Variants in EMC10 observed in about 807,000 individuals in gnomAD.
EMC10 encodes the protein ER membrane protein complex subunit 10.
Under a neutral mutation model 32.2 loss-of-function variants are expected in EMC10, and 40 were observed. The ratio of observed to expected loss-of-function variants is 1.24; its 90% CI spans 0.96 to 1.61. The LOEUF (loss-of-function observed/expected upper bound fraction) is 1.61, where lower values mean the gene tolerates loss of function less well. Ranked by LOEUF, EMC10 falls within the 40% of genes most tolerant of loss-of-function variation. The probability of loss-of-function intolerance (pLI) is 0.00; values close to 1 mark genes in which losing one functional copy is unlikely to be tolerated. For missense variants in EMC10, 402 were observed against 357.7 expected (o/e 1.12, Z -1.00); for synonymous variants, 178 against 158.4 (o/e 1.12, Z -0.93).
At chr19:50,482,035 A>C in intron 6 of EMC10, 114 bp from the exon 7 acceptor site, 4 of 1,513,966 alleles carry the variant, frequency 2.6e-6, no homozygotes, top group Non-Finnish European at 3.7e-6. Context: ...CCCTCCCCTT[A>C]CGCGACCTCC....
At chr19:50,477,111 A>T (rs1415777764) in intron 1 of EMC10, 1 of 153,014 alleles carries the variant, frequency 6.5e-6, no homozygotes, top group Non-Finnish European at 1.4e-5. Context: ...TAAAAAAAAA[A>T]AAAAAATTAG....
At chr19:50,477,889 T>G in intron 1 of EMC10, 40 bp from the exon 2 acceptor site, 1 of 1,561,296 alleles carries the variant, frequency 6.4e-7, no homozygotes, top group South Asian at 1.2e-5. Flanking sequence ...TGCTGAGGGC[T>G]TGGGTGGTCC....
At chr19:50,482,105 C>G (rs2040329879) in intron 6 of EMC10, 44 bp from the exon 7 acceptor site, 1 of 1,407,374 alleles carries the variant, frequency 7.1e-7, no homozygotes, top group African/African-American at 1.4e-5. Context: ...TCCCCTCTCT[C>G]TCTCTTTCTG....
chr19:50,476,829 T>A, intron 1 of EMC10, 171 bp downstream of exon 1: 1 of 522,122 alleles, frequency 1.9e-6, no homozygotes, highest in Non-Finnish European at 3.3e-6. Flanking sequence ...GCCTCGCCAG[T>A]GCACCGGGTT....
In EMC10 at chr19:50,480,209, C is replaced by T. The variant is rs1323462337; in HGVS notation, c.396C>T (p.Val132=). 5 of 1,613,528 alleles carry T rather than the reference C, an allele frequency of 3.1e-6. No homozygotes were observed. Among genetic ancestry groups the T allele is most frequent in the South Asian group, 1.1e-5 (1 of 90,844 alleles). The part of the protein sequence containing the change: ...LEAGGYVSSF[V]PACSLVESHL... ...CTGGTGGCTATGTCTCCTCCTTTGT[C>T]CCTGCGGTGAGTTGGTGTCGGGGAT... Residue 132 remains valine, a synonymous_variant, in exon 4 of 7, where the codon GTC becomes GTT. Transcript: ENST00000334976. This position sits in a 1 kb window ranked among gnomAD's most constrained non-coding sequence, Gnocchi z 4.4.
Position 50,480,992 on chromosome 19 carries a change from C to G in EMC10, c.678+15C>G. The G allele has an allele frequency of 6.3e-7, 1 of 1,586,728 alleles. No homozygotes were observed. The highest frequency in any genetic ancestry group is 8.6e-7 in the Non-Finnish European group (1 of 1,162,236). On this transcript the variant is annotated intron_variant, in intron 6 of 6. Coordinates refer to ENST00000334976, the MANE Select transcript of EMC10 (RefSeq NM_206538.4). The surrounding 1 kb of genome is among the most constrained non-coding windows in gnomAD (Gnocchi z 4.4). ...TCGCCAAATACGTGAGTGGGGCTCC[C>G]CCGCCTCCCCTATTCCCTTCCTGAC... is the stretch of plus-strand genomic sequence containing the variant.
intron 3 of EMC10, among the ~76,000 whole-genome samples, chr19:50,479,859 G>T (rs1162982851): frequency 6.6e-6 from 1 of 152,248 alleles, no homozygotes; most frequent in African/African-American, 2.4e-5. Flanking sequence ...TCCATCGCTG[G>T]GCTGGGCTTT....
At position 50,480,470 on chromosome 19, in the gene EMC10, T is replaced by C; in HGVS notation, c.403-111T>C. On this transcript the variant is annotated intron_variant, in intron 4 of 6. Transcript: ENST00000334976. The surrounding 1 kb of genome is among the most constrained non-coding windows in gnomAD (Gnocchi z 4.4). Reference sequence around the variant, plus strand: ...TGGGCCTGAGGGTAACAGGGAGCCATGGGAAGGTTTTGAAAAATGCTCCGG... The same window carrying C: ...TGGGCCTGAGGGTAACAGGGAGCCACGGGAAGGTTTTGAAAAATGCTCCGG... 4.6e-6 allele frequency: 6 copies of C among 1,294,388 alleles called. No homozygotes were observed. In the South Asian group the frequency reaches 5.7e-5, roughly 12 times the overall value. The allele number at this position is 1,294,388 out of a possible 1,614,324, so 80.2% of individuals were successfully genotyped here. A position where few individuals can be genotyped will look rare whatever the true frequency, so the allele number is the denominator to read the frequency against.
rs150275118 is a variant in EMC10, at chr19:50,485,818, CCTT to C, written c.*3562_*3564del. 13,173 of 152,710 alleles carry C rather than the reference CCTT, an allele frequency of 0.086. 718 individuals carry two copies. The highest frequency in any genetic ancestry group is 0.15 in the African/African-American group (6,320 of 41,372). 9.5% of individuals were successfully genotyped at this position (152,710 alleles called of 1,614,324 possible). The stretch of plus-strand genomic sequence containing the variant: ...CCCCCAGGATAGAGTCCCAACCCAT[CCTT>C]CTGTGTCTCCTCCTCTCTGTGTCCA... On this transcript the variant is annotated 3_prime_UTR_variant, in exon 7 of 7. Coordinates refer to ENST00000334976, the MANE Select transcript of EMC10 (RefSeq NM_206538.4).
intron 2 of EMC10, 92 bp downstream of exon 2, chr19:50,478,093 T>A: frequency 9.5e-7 from 1 of 1,055,776 alleles, no homozygotes; most frequent in Middle Eastern, 2.0e-4. Flanking sequence ...CGTATGACAT[T>A]TACTAACAAC....
At position 50,482,287 on chromosome 19, in the gene EMC10, T is replaced by C. The variant is rs1225401604; in HGVS notation, c.*28T>C. On this transcript the variant is annotated 3_prime_UTR_variant, in exon 7 of 7. Transcript: ENST00000334976. ...GCCCAGGCTGGTCAGCGTCCCGTCTTGCACACCCAGGGGCCTCCCTTTCTG... is the reference window on the plus strand; with the variant it reads ...GCCCAGGCTGGTCAGCGTCCCGTCTCGCACACCCAGGGGCCTCCCTTTCTG... 32 of 953,298 alleles carry C rather than the reference T, an allele frequency of 3.4e-5. 2 individuals carry two copies. In the South Asian group the frequency reaches 5.0e-4, roughly 15 times the overall value. 59.1% of individuals were successfully genotyped at this position (953,298 alleles called of 1,614,324 possible).
Position 50,480,339 on chromosome 19 carries a change from TGGCCTTGCCTTCCGA to T in EMC10, c.402+130_402+144del. ...CGCAGAGGCCTGGGAGACTCAGACC[TGGCCTTGCCTTCCGA>T]GGCCTCCTGGTCTGGAGGGGTCGGT... is the stretch of plus-strand genomic sequence containing the variant. On this transcript the variant is annotated intron_variant, in intron 4 of 6. Transcript: ENST00000334976. This position sits in a 1 kb window ranked among gnomAD's most constrained non-coding sequence, Gnocchi z 4.4. 9.2e-7 allele frequency: 1 copy of T among 1,087,328 alleles called. No individual in the cohort carries two copies. Among genetic ancestry groups the T allele is most frequent in the Non-Finnish European group, 1.3e-6 (1 of 751,434 alleles). 67.4% of individuals were successfully genotyped at this position (1,087,328 alleles called of 1,614,324 possible). A position where few individuals can be genotyped will look rare whatever the true frequency, so the allele number is the denominator to read the frequency against.
intron 6 of EMC10, 71 bp downstream of exon 6, chr19:50,481,048 TC>T: frequency 8.1e-7 from 1 of 1,238,958 alleles, no homozygotes; most frequent in Non-Finnish European, 1.2e-6. Flanking sequence ...CCCTCCATGC[TC>T]CCACCCAGAC....
Position 50,486,732 on chromosome 19 carries a change from C to T in EMC10, c.*4473C>T, listed in dbSNP as rs1210224719. The stretch of plus-strand genomic sequence containing the variant: ...TGTTTCCCATGTGCAGTCCCAGTTG[C>T]ATTTCCATGGGAGCCAATCCACCCA... On this transcript the variant is annotated 3_prime_UTR_variant, in exon 7 of 7. Coordinates refer to ENST00000334976, the MANE Select transcript of EMC10 (RefSeq NM_206538.4). 1 of 152,164 alleles carries T rather than the reference C, an allele frequency of 6.6e-6. No homozygotes were observed. Among genetic ancestry groups the T allele is most frequent in the East Asian group, 1.9e-4 (1 of 5,196 alleles). The allele number at this position is 152,164 out of a possible 1,614,324, so 9.4% of individuals were successfully genotyped here.
At position 50,488,295 on chromosome 19, in the gene EMC10, CAAAAAAAAAAA is replaced by C. The variant is rs56988126; in HGVS notation, c.*6049_*6059del. On this transcript the variant is annotated 3_prime_UTR_variant, in exon 7 of 7. Coordinates refer to ENST00000334976, the MANE Select transcript of EMC10 (RefSeq NM_206538.4). ...TGGGCGACAGAGCGAGACTCCGTCT[CAAAAAAAAAAA>C]AAAAAAAAAAAAGAAAAGATGGCCA... 4.0e-5 allele frequency: 2 copies of C among 49,884 alleles called. No homozygotes were observed. The highest frequency in any genetic ancestry group is 1.7e-3 in the South Asian group (1 of 588). 3.1% of individuals were successfully genotyped at this position (49,884 alleles called of 1,614,324 possible).
Position 50,484,979 on chromosome 19 carries a change from A to T in EMC10, c.*2720A>T, listed in dbSNP as rs1006762357. 7 of 152,162 alleles carry T rather than the reference A, an allele frequency of 4.6e-5. No homozygotes were observed. Among genetic ancestry groups the T allele is most frequent in the African/African-American group, 1.7e-4 (7 of 41,440 alleles). 9.4% of individuals were successfully genotyped at this position (152,162 alleles called of 1,614,324 possible). Reference sequence around the variant, plus strand: ...ACTCTCCACAGAAACAAGCAGATGCACATGTCAACAGTTTTGCAAGTGTTG... The same window carrying T: ...ACTCTCCACAGAAACAAGCAGATGCTCATGTCAACAGTTTTGCAAGTGTTG... On this transcript the variant is annotated 3_prime_UTR_variant, in exon 7 of 7. Coordinates refer to ENST00000334976, the MANE Select transcript of EMC10 (RefSeq NM_206538.4).
At chr19:50,477,782 T>C in intron 1 of EMC10, 147 bp from the exon 2 acceptor site, 1 of 568,690 alleles carries the variant, frequency 1.8e-6, no homozygotes, top group South Asian at 2.4e-5. Flanking sequence ...GGGTGGTTTC[T>C]AGTGAAATAA....
rs1213547080 is a variant in EMC10, at chr19:50,483,617, C to G, written c.*1358C>G. 1 of 153,550 alleles carries G rather than the reference C, an allele frequency of 6.5e-6. No individual in the cohort carries two copies. Among genetic ancestry groups the G allele is most frequent in the African/African-American group, 2.4e-5 (1 of 41,466 alleles). The allele number at this position is 153,550 out of a possible 1,614,324, so 9.5% of individuals were successfully genotyped here. ...TTGCTCTGTTACCCAAGCTGGAGTG[C>G]AGTGGCGGTACCTTGACTCACTGCG... is the stretch of plus-strand genomic sequence containing the variant. On this transcript the variant is annotated 3_prime_UTR_variant, in exon 7 of 7. Coordinates refer to ENST00000334976, the MANE Select transcript of EMC10 (RefSeq NM_206538.4).
chr19:50,480,921 G>A lies in EMC10; in HGVS notation c.622G>A (p.Glu208Lys). ...TAAFIERLEMEQAQKAKNPQE... is the reference protein window; with the variant it reads ...TAAFIERLEMKQAQKAKNPQE... ...GGCCTTCATTGAGCGCCTGGAGATGGAACAGGCCCAGAAGGCCAAGAACCC... is the reference window on the plus strand; with the variant it reads ...GGCCTTCATTGAGCGCCTGGAGATGAAACAGGCCCAGAAGGCCAAGAACCC... The change falls in exon 6 of 7, where the codon GAA becomes AAA. Residue 208 changes from glutamate (E) to lysine (K), a missense_variant. Coordinates refer to ENST00000334976, the MANE Select transcript of EMC10 (RefSeq NM_206538.4). The surrounding 1 kb of genome is among the most constrained non-coding windows in gnomAD (Gnocchi z 4.4). 2.5e-6 allele frequency: 4 copies of A among 1,612,816 alleles called. No individual in the cohort carries two copies. Among genetic ancestry groups the A allele is most frequent in the Non-Finnish European group, 3.4e-6 (4 of 1,179,078 alleles).
Sources: allele counts gnomAD v4.1 joint callset (sites outside exome capture counted in the v4.1 genomes callset), GRCh38; gene constraint gnomAD v4.1.1; non-coding constraint Gnocchi (gnomAD v3.1); transcripts MANE v1.5; gene names NCBI Gene and HGNC (gene_info 2026-07-23, HGNC 2026-07-21).